Variants in APBB2 observed in about 807,000 individuals in gnomAD.
APBB2 encodes the protein Fe65-like 1.
APBB2 carries 38 observed loss-of-function variants against 82.5 expected under a neutral mutation model. The ratio of observed to expected loss-of-function variants is 0.46; its 90% CI spans 0.36 to 0.60. The LOEUF is 0.60. Among genes scored for constraint, APBB2 ranks in the 20% least tolerant of loss-of-function variants. The pLI is 0.00. For synonymous variants in APBB2, 341 were observed against 368.2 expected, an observed-to-expected ratio of 0.93 and a Z score of 0.85; for missense variants, 772 against 972.3, an observed-to-expected ratio of 0.79 and a Z score of 2.74.
intron 1 of APBB2, among the ~76,000 whole-genome samples, chr4:41,212,967 G>T (rs1049194105): frequency 2.0e-5 from 3 of 152,146 alleles, no homozygotes; most frequent in African/African-American, 7.2e-5. Flanking sequence ...CTAAGTTCAT[G>T]AAGAAATCCC....
At chr4:41,011,706 C>T (rs1286451292) in intron 6 of APBB2, among the ~76,000 whole-genome samples, 1 of 152,158 alleles carries the variant, frequency 6.6e-6, no homozygotes, top group Admixed American at 6.5e-5. Context: ...GCTGGGATTA[C>T]AGGCGTGAGC....
At chr4:41,094,431 AC>A in intron 3 of APBB2, among the ~76,000 whole-genome samples, 1 of 152,236 alleles carries the variant, frequency 6.6e-6, no homozygotes, top group East Asian at 1.9e-4. Flanking sequence ...CAGTCCAAAC[AC>A]CAAACTAACA....
At chr4:41,079,649 A>G (rs1736859006) in intron 3 of APBB2, among the ~76,000 whole-genome samples, 1 of 151,982 alleles carries the variant, frequency 6.6e-6, no homozygotes, top group African/African-American at 2.4e-5. Flanking sequence ...CCCAGGTTCA[A>G]GTGATTCTCC....
At chr4:40,886,941 AGAG>A (rs1192419110) in intron 12 of APBB2, among the ~76,000 whole-genome samples, 1 of 152,228 alleles carries the variant, frequency 6.6e-6, no homozygotes, top group East Asian at 1.9e-4. Context: ...TGGCCAAGAA[AGAG>A]GAGGCAGCCC....
At chr4:41,105,940 G>A (rs1428654295) in intron 2 of APBB2, among the ~76,000 whole-genome samples, 2 of 149,950 alleles carry the variant, frequency 1.3e-5, no homozygotes, top group Non-Finnish European at 3.0e-5. Context: ...AAAATCCAGA[G>A]ACTGTGTCCA....
Position 40,812,021 on chromosome 4 carries a change from C to CA in APBB2, c.*4070dup, listed in dbSNP as rs920423284. On this transcript the variant is annotated 3_prime_UTR_variant, in exon 18 of 18. Coordinates refer to ENST00000508593, the MANE Select transcript of APBB2 (RefSeq NM_004307.2). Reference sequence around the variant, plus strand: ...ATCACAATCCTAGCAAGACCGCTTACAAAAGACTCGAGTTGGTGACTAAAT... The same window carrying CA: ...ATCACAATCCTAGCAAGACCGCTTACAAAAAGACTCGAGTTGGTGACTAAAT... The CA allele has an allele frequency of 1.3e-5, 2 of 152,172 alleles. No individual in the cohort carries two copies. Among genetic ancestry groups the CA allele is most frequent in the Non-Finnish European group, 1.5e-5 (1 of 68,028 alleles). 9.4% of individuals were successfully genotyped at this position (152,172 alleles called of 1,614,324 possible). A position where few individuals can be genotyped will look rare whatever the true frequency, so the allele number is the denominator to read the frequency against.
intron 10 of APBB2, among the ~76,000 whole-genome samples, chr4:40,933,658 G>C (rs1365608660): frequency 6.6e-6 from 1 of 152,198 alleles, no homozygotes; most frequent in Non-Finnish European, 1.5e-5. Flanking sequence ...CTCTACGTAG[G>C]GAGGGAGATA....
chr4:40,870,657 G>T (rs1421728280), intron 12 of APBB2, among the ~76,000 whole-genome samples: 1 of 151,780 alleles, frequency 6.6e-6, no homozygotes, highest in African/African-American at 2.4e-5. Context: ...AAGAAATCAG[G>T]TCCTAATCCC....
At chr4:40,816,733 G>A (rs55726369) in intron 17 of APBB2, among the ~76,000 whole-genome samples, 20,034 of 152,236 alleles carry the variant, frequency 0.13, 1,410 homozygotes, top group Non-Finnish European at 0.16. Flanking sequence ...TTCTTCAACT[G>A]TAAAATGGCT....
intron 7 of APBB2, 80 bp from the exon 8 acceptor site, chr4:40,935,219 A>C: frequency 9.7e-7 from 1 of 1,029,960 alleles, no homozygotes; most frequent in Non-Finnish European, 1.4e-6. Context: ...AAAAAACACA[A>C]GACACTGTTG....
chr4:40,928,660 T>TAG (rs1354063379), intron 10 of APBB2, among the ~76,000 whole-genome samples: 1 of 151,932 alleles, frequency 6.6e-6, no homozygotes, highest in Non-Finnish European at 1.5e-5. Flanking sequence ...CCAAGGCGGA[T>TAG]AGATCACTTG....
At chr4:40,996,942 T>C (rs6447545) in intron 6 of APBB2, among the ~76,000 whole-genome samples, 9,411 of 152,190 alleles carry the variant, frequency 0.062, 974 homozygotes, top group African/African-American at 0.22. Flanking sequence ...AAAGTTACTT[T>C]TGTCTTAGCT....
At chr4:40,867,841 TA>T (rs1764413486) in intron 12 of APBB2, among the ~76,000 whole-genome samples, 1 of 149,522 alleles carries the variant, frequency 6.7e-6, no homozygotes, top group Non-Finnish European at 1.5e-5. Context: ...TTGTGGGACC[TA>T]AAGCTTAGAC....
chr4:40,814,859 T>G lies in APBB2; in HGVS notation c.*1233A>C, dbSNP rs1560584211. On this transcript the variant is annotated 3_prime_UTR_variant, in exon 18 of 18. Coordinates refer to ENST00000508593, the MANE Select transcript of APBB2 (RefSeq NM_004307.2). ...CTCCTGTGTAGACTTTGCTCAGGTA[T>G]GAACATTTCAAATCTTCAAAGTAAA... 6.6e-6 allele frequency: 1 copy of G among 152,214 alleles called. No homozygotes were observed. Among genetic ancestry groups the G allele is most frequent in the Non-Finnish European group, 1.5e-5 (1 of 68,044 alleles). 9.4% of individuals were successfully genotyped at this position (152,214 alleles called of 1,614,324 possible).
rs765836843 is a variant in APBB2 at position 40,890,381 on chromosome 4, C to T, written c.1512G>A (p.Val504=). The change falls in exon 12 of 18, where the codon GTG becomes GTA. Residue 504 remains valine (V), a synonymous_variant. Transcript: ENST00000508593. ...GGACTCACCGGCCATTGTCGCGGCC[C>T]ACGCCCCACACGCGGATGCTGACGA... ...QPIVSIRVWG[V]GRDNGRDFAY... is the part of the protein sequence containing the mutation. 1 of 1,612,938 alleles carries T rather than the reference C, an allele frequency of 6.2e-7. No homozygotes were observed. Among genetic ancestry groups the T allele is most frequent in the South Asian group, 1.1e-5 (1 of 91,022 alleles).
At chr4:40,840,807 C>G (rs1270832542) in intron 12 of APBB2, among the ~76,000 whole-genome samples, 3 of 152,130 alleles carry the variant, frequency 2.0e-5, no homozygotes, top group Admixed American at 2.0e-4. Flanking sequence ...CTCTCTAGAA[C>G]AGGGTCCTGG....
At chr4:40,993,642 C>T (rs898460677) in intron 6 of APBB2, among the ~76,000 whole-genome samples, 1 of 152,066 alleles carries the variant, frequency 6.6e-6, no homozygotes, top group Non-Finnish European at 1.5e-5. Flanking sequence ...CCTGCCTCAA[C>T]CTCCCAAAGT....
At chr4:40,878,556 G>A (rs1767522827) in intron 12 of APBB2, among the ~76,000 whole-genome samples, 1 of 152,128 alleles carries the variant, frequency 6.6e-6, no homozygotes, top group African/African-American at 2.4e-5. Context: ...CTCAGAGACT[G>A]TAACTGTGCC....
intron 4 of APBB2, among the ~76,000 whole-genome samples, chr4:41,063,560 T>A (rs1444735712): frequency 6.6e-6 from 1 of 152,206 alleles, no homozygotes; most frequent in Non-Finnish European, 1.5e-5. Context: ...TTGGTCCGAA[T>A]CCCTATTCTA....
Sources: allele counts gnomAD v4.1 joint callset (sites outside exome capture counted in the v4.1 genomes callset), GRCh38; gene constraint gnomAD v4.1.1; transcripts MANE v1.5; gene names NCBI Gene and HGNC (gene_info 2026-07-23, HGNC 2026-07-21).